The following LFNG variants were observed in gnomAD, a reference collection of about 807,000 sequenced individuals.
LFNG encodes LFNG O-fucosylpeptide 3-beta-N-acetylglucosaminyltransferase.
LFNG carries 15 observed loss-of-function variants against 32.7 expected under a neutral mutation model. That is an observed-to-expected ratio of 0.46 (90% CI 0.31 to 0.71). LFNG has a LOEUF of 0.71. LFNG is among the 30% of genes least tolerant of loss of function. The pLI, the probability that LFNG is intolerant of heterozygous loss-of-function variation, is 0.06. For missense variants in LFNG, 520 were observed against 545.7 expected (o/e 0.95, Z 0.47); for synonymous variants, 274 against 246.8 (o/e 1.11, Z -1.03).
chr7:2,519,855 C>T lies in LFNG; in HGVS notation c.-7C>T. ...GGAAGGGCGCGCCGCGCGGCCGCCA[C>T]CCCACCATGCTCAAGCGCTGCGGCC... On this transcript the variant is annotated 5_prime_UTR_variant, in exon 1 of 8. Transcript: ENST00000222725. 1 of 1,088,498 alleles carries T rather than the reference C, an allele frequency of 9.2e-7. No homozygotes were observed. Among genetic ancestry groups the T allele is most frequent in the East Asian group, 6.0e-5 (1 of 16,738 alleles). The allele number at this position is 1,088,498 out of a possible 1,614,324, so 67.4% of individuals were successfully genotyped here. A position where few individuals can be genotyped will look rare whatever the true frequency, so the allele number is the denominator to read the frequency against.
upstream of LFNG, among the ~76,000 whole-genome samples, chr7:2,517,490 T>C (rs571052492): frequency 3.9e-5 from 6 of 152,290 alleles, no homozygotes; most frequent in South Asian, 8.3e-4. Context: ...TCCCCCTTGC[T>C]TTCTCTACAA....
At chr7:2,518,665 C>T (rs904061934), upstream of LFNG, 85 of 1,566,428 alleles carry the variant, frequency 5.4e-5, no homozygotes, top group Non-Finnish European at 6.9e-5. Flanking sequence ...AACATAACTC[C>T]GAGGGGGGCA....
upstream of LFNG, chr7:2,513,418 G>A: frequency 7.3e-7 from 1 of 1,370,968 alleles, no homozygotes; most frequent in Non-Finnish European, 9.8e-7. Context: ...CGTCTTCCCT[G>A]ATCCTTTCAA....
downstream of LFNG, chr7:2,528,827 C>T (rs1273920918): frequency 1.1e-5 from 7 of 626,024 alleles, no homozygotes; most frequent in Middle Eastern, 2.5e-4. Flanking sequence ...TCCAACTTCA[C>T]TCCTGCCACG....
downstream of LFNG, chr7:2,528,526 G>A: frequency 1.6e-6 from 1 of 609,408 alleles, no homozygotes; most frequent in Non-Finnish European, 2.1e-6. Flanking sequence ...TTGGCCTTGG[G>A]TGCACCGCAT....
At chr7:2,519,734 G>A (rs900003252), upstream of LFNG, 15 of 441,952 alleles carry the variant, frequency 3.4e-5, no homozygotes, top group South Asian at 9.7e-5. Flanking sequence ...GCGGGACCGG[G>A]GCGGGGAGGT....
rs1187097211 is a variant in LFNG at position 2,526,977 on chromosome 7, G to A, written c.1073+56G>A. ...GTAGGGTGGCCTAGGGGCGTCAGGG[G>A]GCCTCGTGGAGCTGCAGCAGGGTCT... On this transcript the variant is annotated intron_variant, in intron 7 of 7. Transcript: ENST00000222725. The surrounding 1 kb of genome is among the most constrained non-coding windows in gnomAD (Gnocchi z 6.9). The A allele has an allele frequency of 6.5e-7, 1 of 1,534,352 alleles. No homozygotes were observed.
At chr7:2,512,538 T>G (rs1779520150) in exon 1 of LFNG, 2 of 876,334 alleles carry the variant, frequency 2.3e-6, no homozygotes, top group South Asian at 2.9e-5. Flanking sequence ...CAGACTAAGC[T>G]GCAACACTGG....
At chr7:2,523,178 C>T (rs769632266) in intron 1 of LFNG, among the ~76,000 whole-genome samples, 19 of 152,216 alleles carry the variant, frequency 1.2e-4, no homozygotes, top group Non-Finnish European at 2.9e-5. Context: ...CGCAGTGGAG[C>T]GTCTGCAGGG....
At chr7:2,514,845 TCCA>T (rs1779579688), upstream of LFNG, among the ~76,000 whole-genome samples, 6 of 151,786 alleles carry the variant, frequency 4.0e-5, no homozygotes, top group Non-Finnish European at 8.8e-5. Context: ...CATCCATCCA[TCCA>T]TCCATTCATC....
Position 2,520,090 on chromosome 7 carries a change from T to C in LFNG, c.229T>C (p.Tyr77His). The C allele has an allele frequency of 3.0e-6, 4 of 1,322,774 alleles. No homozygotes were observed. The highest frequency in any genetic ancestry group is 1.6e-5 in the African/African-American group (1 of 64,264). The allele number at this position is 1,322,774 out of a possible 1,614,324, so 81.9% of individuals were successfully genotyped here. Residue 77 changes from tyrosine (Y) to histidine (H), a missense_variant, in exon 1 of 8, where the codon TAC (tyrosine) becomes CAC (histidine). Tyr to His is a moderately conservative substitution (Grantham distance 83). Around this residue, in one of 3 missense-constraint regions of LFNG, gnomAD observed 360 missense variants for 354.7 expected, o/e 1.01. Coordinates refer to ENST00000222725, the MANE Select transcript of LFNG (RefSeq NM_001040167.2). The surrounding 1 kb of genome is among the most constrained non-coding windows in gnomAD (Gnocchi z 5.0). ...CCGCGACGTGCACAGTCTGTCCGAGTACTTCAGCCTGCTCACCCGCGCGCG... is the reference window on the plus strand; with the variant it reads ...CCGCGACGTGCACAGTCTGTCCGAGCACTTCAGCCTGCTCACCCGCGCGCG... ...LVRDVHSLSE[Y>H]FSLLTRARRD...
At position 2,525,310 on chromosome 7, in the gene LFNG, C is replaced by T. The variant is rs139864844; in HGVS notation, c.573C>T (p.Ser191=). The stretch of plus-strand genomic sequence containing the variant: ...TGGAGTATGACCGCTTCATCGAGTC[C>T]GGCAGGAAGTGAGTGTGGCCCCGGG... ...MAVEYDRFIE[S]GRKWFCHVDD... Residue 191 remains serine, a synonymous_variant, in exon 3 of 8, where the codon TCC becomes TCT. Transcript: ENST00000222725. The T allele has an allele frequency of 5.1e-4, 817 of 1,612,944 alleles. 2 individuals carry two copies. Among genetic ancestry groups the T allele is most frequent in the Non-Finnish European group, 6.3e-4 (747 of 1,179,838 alleles).
At chr7:2,516,891 T>C (rs1235333006), upstream of LFNG, among the ~76,000 whole-genome samples, 2 of 152,152 alleles carry the variant, frequency 1.3e-5, no homozygotes, top group Non-Finnish European at 2.9e-5. Context: ...TTCAAGGTCT[T>C]AAAGCCGAGA....
upstream of LFNG, among the ~76,000 whole-genome samples, chr7:2,513,942 C>A (rs896769177): frequency 9.2e-5 from 14 of 152,264 alleles, no homozygotes; most frequent in African/African-American, 3.4e-4. Context: ...AAGCCCTGGC[C>A]TCCAGGCTGA....
At position 2,527,705 on chromosome 7, in the gene LFNG, T is replaced by C; in HGVS notation, c.*493T>C. 1 of 1,065,942 alleles carries C rather than the reference T, an allele frequency of 9.4e-7. No homozygotes were observed. The highest frequency in any genetic ancestry group is 1.1e-6 in the Non-Finnish European group (1 of 876,400). The allele number at this position is 1,065,942 out of a possible 1,614,324, so 66.0% of individuals were successfully genotyped here. On this transcript the variant is annotated 3_prime_UTR_variant, in exon 8 of 8. Coordinates refer to ENST00000222725, the MANE Select transcript of LFNG (RefSeq NM_001040167.2). This position sits in a 1 kb window ranked among gnomAD's most constrained non-coding sequence, Gnocchi z 4.4. The stretch of plus-strand genomic sequence containing the variant: ...CATGCTCATTGCAGGGGAGGCTGGG[T>C]CTGGGGGTGCGTGACCCAATCCCCT...
In LFNG at chr7:2,526,559, G is replaced by A. The variant is rs2128377947; in HGVS notation, c.987+150G>A. ...AGCCAGGGGGGGTCACTCCTGCCAT[G>A]AGCTCAAAGCTGTTTATGGCGGGTT... On this transcript the variant is annotated intron_variant, in intron 6 of 7. Transcript: ENST00000222725. The surrounding 1 kb of genome is among the most constrained non-coding windows in gnomAD (Gnocchi z 6.9). The A allele has an allele frequency of 4.6e-6, 4 of 871,152 alleles. No individual in the cohort carries two copies. The highest frequency in any genetic ancestry group is 1.5e-5 in the South Asian group (1 of 65,012). 54.0% of individuals were successfully genotyped at this position (871,152 alleles called of 1,614,324 possible). A position where few individuals can be genotyped will look rare whatever the true frequency, so the allele number is the denominator to read the frequency against.
At position 2,520,037 on chromosome 7, in the gene LFNG, C is replaced by T; in HGVS notation, c.176C>T (p.Ala59Val). ...GCTGCCCCGGCGCCCGGGCTGGGGG[C>T]GGCGGCGGCGGCGCCCGGGGCGCTG... is the stretch of plus-strand genomic sequence containing the variant. ...AGAAPAPGLG[A>V]AAAAPGALVR... The change falls in exon 1 of 8, where the codon GCG becomes GTG. Residue 59 changes from alanine to valine, a missense_variant. Ala to Val is a moderately conservative substitution (Grantham distance 64, BLOSUM62 0). This residue lies in a region of LFNG where 360 missense variants were observed against 354.7 expected (regional missense o/e 1.01). Coordinates refer to ENST00000222725, the MANE Select transcript of LFNG (RefSeq NM_001040167.2). This position sits in a 1 kb window ranked among gnomAD's most constrained non-coding sequence, Gnocchi z 5.0. 2 of 1,048,536 alleles carry T rather than the reference C, an allele frequency of 1.9e-6. No individual in the cohort carries two copies. Among genetic ancestry groups the T allele is most frequent in the East Asian group, 7.8e-5 (1 of 12,836 alleles). The allele number at this position is 1,048,536 out of a possible 1,614,324, so 65.0% of individuals were successfully genotyped here.
chr7:2,512,779 T>G, intron 1 of LFNG: 1 of 1,316,728 alleles, frequency 7.6e-7, no homozygotes, highest in Non-Finnish European at 1.1e-6. Flanking sequence ...GAGCCCCCTA[T>G]GTCTCCCCCA....
At chr7:2,518,242 G>A (rs116684032), upstream of LFNG, among the ~76,000 whole-genome samples, 74 of 152,310 alleles carry the variant, frequency 4.9e-4, no homozygotes, top group African/African-American at 1.7e-3. Flanking sequence ...CTGGCTGATC[G>A]GAAGGGGTTT....
Sources: gnomAD v4.1 joint callset for allele counts (sites outside exome capture counted in the v4.1 genomes callset) on GRCh38, gnomAD v4.1.1 for gene constraint, gnomAD v4.1.1 regional missense constraint, Gnocchi (gnomAD v3.1) non-coding constraint, MANE v1.5 for transcripts, NCBI Gene and HGNC (gene_info 2026-07-23, HGNC 2026-07-21) for gene names.